Variants in LUZP2 observed in about 807,000 individuals in gnomAD.
LUZP2 encodes leucine zipper protein 2.
A neutral mutation model predicts 51.6 loss-of-function variants in LUZP2; 52 were observed. The observed-to-expected ratio is 1.01, with a 90% CI of 0.81 to 1.27. The LOEUF is 1.27. Ranked by LOEUF, LUZP2 falls within the 50% of genes most tolerant of loss-of-function variation. The pLI is 0.00. For missense variants in LUZP2, 436 were observed against 395.4 expected (o/e 1.10, Z -0.87); for synonymous variants, 154 against 137.3 (o/e 1.12, Z -0.85).
At chr11:24,876,313 T>C (rs1852260625) in intron 5 of LUZP2, among the ~76,000 whole-genome samples, 1 of 149,940 alleles carries the variant, frequency 6.7e-6, no homozygotes, top group South Asian at 2.1e-4. Context: ...GCTTTCTACA[T>C]ATGGCTAGCC....
chr11:24,894,729 T>C (rs920170484), intron 5 of LUZP2, among the ~76,000 whole-genome samples: 24 of 152,166 alleles, frequency 1.6e-4, no homozygotes, highest in African/African-American at 5.8e-4. Context: ...ATTTAGCCAC[T>C]GTGGAAAGCA....
At chr11:24,845,520 A>T (rs932243354) in intron 5 of LUZP2, among the ~76,000 whole-genome samples, 7 of 152,104 alleles carry the variant, frequency 4.6e-5, no homozygotes, top group African/African-American at 1.7e-4. Context: ...ATATGAGGAC[A>T]TGAGGTTTGG....
chr11:24,656,943 A>G (rs1250924890), intron 1 of LUZP2, among the ~76,000 whole-genome samples: 1 of 152,164 alleles, frequency 6.6e-6, no homozygotes, highest in Non-Finnish European at 1.5e-5. Flanking sequence ...TTGCATTTGT[A>G]AAGTCCCTTT....
At chr11:24,505,463 A>G (rs1850120008) in intron 1 of LUZP2, among the ~76,000 whole-genome samples, 1 of 152,194 alleles carries the variant, frequency 6.6e-6, no homozygotes, top group South Asian at 2.1e-4. Flanking sequence ...TAGATATGTC[A>G]AGAGGATTGA....
chr11:24,927,512 T>C (rs1854315594), intron 7 of LUZP2, among the ~76,000 whole-genome samples: 1 of 152,018 alleles, frequency 6.6e-6, no homozygotes. Context: ...TTCCCCACTT[T>C]ATGTTTTGTT....
intron 4 of LUZP2, among the ~76,000 whole-genome samples, chr11:24,762,474 T>C (rs1367745041): frequency 6.6e-6 from 1 of 152,166 alleles, no homozygotes; most frequent in Non-Finnish European, 1.5e-5. Flanking sequence ...TTCACCTGTG[T>C]CATTACTTTA....
chr11:25,030,919 TATATATATATAATATA>T, intron 9 of LUZP2, among the ~76,000 whole-genome samples: 1 of 21,852 alleles, frequency 4.6e-5, no homozygotes, highest in African/African-American at 1.1e-4. Flanking sequence ...TATATTGTAT[TATATATATATAATATA>T]TATTATATAT....
chr11:24,603,483 C>G (rs775453681), intron 1 of LUZP2, among the ~76,000 whole-genome samples: 1 of 151,680 alleles, frequency 6.6e-6, no homozygotes, highest in African/African-American at 2.4e-5. Flanking sequence ...GAAATGACAA[C>G]AGTAAATTCA....
intron 9 of LUZP2, among the ~76,000 whole-genome samples, chr11:25,028,050 A>G (rs987935990): frequency 5.9e-5 from 9 of 151,980 alleles, no homozygotes; most frequent in African/African-American, 2.2e-4. Flanking sequence ...TTAACTTTTG[A>G]TTTATTTTTA....
At chr11:24,673,186 G>A (rs1321763018) in intron 1 of LUZP2, among the ~76,000 whole-genome samples, 2 of 152,070 alleles carry the variant, frequency 1.3e-5, no homozygotes, top group Admixed American at 6.5e-5. Flanking sequence ...TTAGGCAATT[G>A]TAACATGATG....
chr11:24,725,631 GA>G (rs201708438), intron 1 of LUZP2, among the ~76,000 whole-genome samples: 1,597 of 151,034 alleles, frequency 0.011, 18 homozygotes, highest in Non-Finnish European at 0.016. Context: ...TAAGAGGTAT[GA>G]AAAAAAAATC....
At chr11:24,651,511 A>G (rs1330305632) in intron 1 of LUZP2, among the ~76,000 whole-genome samples, 2 of 152,122 alleles carry the variant, frequency 1.3e-5, no homozygotes, top group Non-Finnish European at 2.9e-5. Flanking sequence ...TGAGCTGGAT[A>G]ATTTGCATAT....
At chr11:24,565,313 T>C (rs1199766084) in intron 1 of LUZP2, among the ~76,000 whole-genome samples, 1 of 152,168 alleles carries the variant, frequency 6.6e-6, no homozygotes, top group Admixed American at 6.6e-5. Context: ...GAATTGTCCT[T>C]TATATTTAGT....
chr11:24,871,600 C>T (rs1053741300), intron 5 of LUZP2, among the ~76,000 whole-genome samples: 10 of 152,034 alleles, frequency 6.6e-5, no homozygotes, highest in South Asian at 2.1e-4. Flanking sequence ...CTCATCAGGC[C>T]GTCTTTAAGT....
intron 9 of LUZP2, among the ~76,000 whole-genome samples, chr11:25,016,792 G>A (rs574230345): frequency 5.9e-5 from 9 of 152,176 alleles, no homozygotes; most frequent in Non-Finnish European, 1.0e-4. Context: ...TAGATACACG[G>A]TAGTGAGATT....
At chr11:24,784,892 C>A (rs1849197821) in intron 5 of LUZP2, among the ~76,000 whole-genome samples, 1 of 151,988 alleles carries the variant, frequency 6.6e-6, no homozygotes, top group Non-Finnish European at 1.5e-5. Context: ...TATGCCTAAT[C>A]ACATGCTGTA....
intron 1 of LUZP2, among the ~76,000 whole-genome samples, chr11:24,526,448 C>T (rs1349955955): frequency 2.4e-5 from 2 of 82,416 alleles, no homozygotes; most frequent in Non-Finnish European, 5.4e-5. Context: ...TTTAATCCTA[C>T]TCTCTACTCT....
chr11:24,745,672 A>ATTTGTTTTGT (rs370565971), intron 4 of LUZP2, among the ~76,000 whole-genome samples: 1 of 151,648 alleles, frequency 6.6e-6, no homozygotes, highest in East Asian at 1.9e-4. Context: ...TTGTTGTTTG[A>ATTTGTTTTGT]TTTGTTTTGT....
chr11:24,743,104 T>C (rs1429459000), intron 4 of LUZP2, among the ~76,000 whole-genome samples: 1 of 152,122 alleles, frequency 6.6e-6, no homozygotes, highest in Non-Finnish European at 1.5e-5. Flanking sequence ...GGGCTTATAG[T>C]TTGAAATCAG....
Sources: gnomAD v4.1 joint callset for allele counts (sites outside exome capture counted in the v4.1 genomes callset) on GRCh38, gnomAD v4.1.1 for gene constraint, MANE v1.5 for transcripts, NCBI Gene and HGNC (gene_info 2026-07-23, HGNC 2026-07-21) for gene names.